Variants in ADGRV1 observed in about 807,000 individuals in gnomAD.
ADGRV1 encodes G-protein coupled receptor 98.
ADGRV1 carries 359 observed loss-of-function variants against 596.2 expected under a neutral mutation model. The observed-to-expected ratio is 0.60, with a 90% CI of 0.55 to 0.66. The LOEUF is 0.66. ADGRV1 is among the 30% of genes least tolerant of loss of function. ADGRV1 has a pLI of 0.00. For missense variants in ADGRV1, 7,274 were observed against 7,575.6 expected, an observed-to-expected ratio of 0.96 and a Z score of 1.48; for synonymous variants, 2,681 against 2,679.2, an observed-to-expected ratio of 1.00 and a Z score of -0.02.
rs1746898364 is a variant in ADGRV1 at position 90,694,388 on chromosome 5, A to G, written c.7632A>G (p.Glu2544=). The G allele has an allele frequency of 6.2e-7, 1 of 1,613,894 alleles. No homozygotes were observed. The highest frequency in any genetic ancestry group is 1.7e-5 in the Admixed American group (1 of 59,978). The change falls in exon 33 of 90, where the codon GAA becomes GAG. Residue 2544 remains glutamate, a synonymous_variant. Coordinates refer to ENST00000405460, the MANE Select transcript of ADGRV1 (RefSeq NM_032119.4). ...MDESFLISLL[E]VHLMNISASL... ...AGAGTTTTCTAATTTCTCTCCTTGA[A>G]GTTCACCTCATGAACATTTCAGCCA... is the stretch of plus-strand genomic sequence containing the variant.
rs747410637 is a variant in ADGRV1 at position 91,163,831 on chromosome 5, G to C, written c.18852G>C (p.Glu6284Asp). ...ATGAATCTGGTCAAGGCAGCCAGGAGGGGGGCACCTTGACTGACTCCCAGA... is the reference window on the plus strand; with the variant it reads ...ATGAATCTGGTCAAGGCAGCCAGGACGGGGGCACCTTGACTGACTCCCAGA... ...SDNESGQGSQ[E>D]GGTLTDSQIV... The change falls in exon 90 of 90, where the codon GAG becomes GAC. Residue 6284 changes from glutamate to aspartate, a missense_variant. Coordinates refer to ENST00000405460, the MANE Select transcript of ADGRV1 (RefSeq NM_032119.4). 3.7e-6 allele frequency: 6 copies of C among 1,605,480 alleles called. No homozygotes were observed. Among genetic ancestry groups the C allele is most frequent in the Non-Finnish European group, 5.1e-6 (6 of 1,174,192 alleles).
intron 83 of ADGRV1, among the ~76,000 whole-genome samples, chr5:90,916,530 A>G (rs909426673): frequency 1.1e-4 from 17 of 151,960 alleles, no homozygotes; most frequent in African/African-American, 4.1e-4. Context: ...TGTTTTATAT[A>G]GTTTCATCCA....
At position 90,731,051 on chromosome 5, in the gene ADGRV1, A is replaced by C. The variant is rs534634947; in HGVS notation, c.10549+1287A>C. 4.6e-5 allele frequency among the ~76,000 whole-genome samples: 7 copies of C among 152,308 alleles called. No individual in the cohort carries two copies. The East Asian group carries it at 1.2e-3, about 25-fold the overall frequency. Reference sequence around the variant, plus strand: ...AGAAAAAATATTAAGATACTAATTCAAGGTACAGGACTATATTAGTCCATT... The same window carrying C: ...AGAAAAAATATTAAGATACTAATTCCAGGTACAGGACTATATTAGTCCATT... On this transcript the variant is annotated intron_variant, in intron 50 of 89. Coordinates refer to ENST00000405460, the MANE Select transcript of ADGRV1 (RefSeq NM_032119.4).
intron 51 of ADGRV1, 31 bp downstream of exon 51, chr5:90,745,296 T>C (rs993070978): frequency 1.4e-5 from 19 of 1,346,458 alleles, no homozygotes; most frequent in Non-Finnish European, 1.9e-5. Context: ...TAAGTATCTT[T>C]ATGTTCACTG....
intron 85 of ADGRV1, among the ~76,000 whole-genome samples, chr5:91,006,228 GGGGAAT>G (rs1782264010): frequency 6.6e-6 from 1 of 152,120 alleles, no homozygotes; most frequent in Non-Finnish European, 1.5e-5. Flanking sequence ...GACGTCTGAA[GGGGAAT>G]ACAGGTACAG....
chr5:90,778,793 A>G, intron 63 of ADGRV1, 72 bp from the exon 64 acceptor site: 1 of 1,258,536 alleles, frequency 7.9e-7, no homozygotes, highest in Non-Finnish European at 1.1e-6. Flanking sequence ...GGTAAATAGA[A>G]CGTTTAGTTA....
rs1293337363 is a variant in ADGRV1, at chr5:91,017,119, A to G, written c.18152+31597A>G. Among the ~76,000 whole-genome samples the G allele has an allele frequency of 3.9e-5, 6 of 152,056 alleles. No individual in the cohort carries two copies. In the East Asian group the frequency reaches 7.8e-4, roughly 20 times the overall value. ...TACAAGCATGGCTTTCAAAATGGAT[A>G]TATGTGACTCATGAAGAGCCTTGTT... On this transcript the variant is annotated intron_variant, in intron 85 of 89. Coordinates refer to ENST00000405460, the MANE Select transcript of ADGRV1 (RefSeq NM_032119.4).
rs375985772 is a variant in ADGRV1 at position 91,045,805 on chromosome 5, G to A, written c.18153-26642G>A. Among the ~76,000 whole-genome samples, 13 of 152,212 alleles carry A rather than the reference G, an allele frequency of 8.5e-5. 1 individual carries two copies. Among genetic ancestry groups the A allele is most frequent in the Admixed American group, 7.2e-4 (11 of 15,278 alleles). On this transcript the variant is annotated intron_variant, in intron 85 of 89. Transcript: ENST00000405460. ...ACTCCTCCAGAAAGTTTCTAGAACC[G>A]ATAAAAGAATTCAGCAAAGTTTCTG...
At position 90,745,129 on chromosome 5, in the gene ADGRV1, G is replaced by C; in HGVS notation, c.10633G>C (p.Val3545Leu). The change falls in exon 51 of 90, where the codon GTA (valine) becomes CTA (leucine). Residue 3545 changes from valine to leucine, a missense_variant. Physicochemically the swap from Val to Leu is conservative, Grantham distance 32. This residue lies in a region of ADGRV1 where 3,643 missense variants were observed against 3,809.2 expected (regional missense o/e 0.96). Coordinates refer to ENST00000405460, the MANE Select transcript of ADGRV1 (RefSeq NM_032119.4). ...ERNQFSFVLE[V>L]PSAYDVASVT... ...TAATCAATTCTCTTTTGTTCTGGAAGTACCTTCTGCTTATGATGTGGCTTC... is the reference window on the plus strand; with the variant it reads ...TAATCAATTCTCTTTTGTTCTGGAACTACCTTCTGCTTATGATGTGGCTTC... 1 of 1,613,698 alleles carries C rather than the reference G, an allele frequency of 6.2e-7. No homozygotes were observed. The highest frequency in any genetic ancestry group is 8.5e-7 in the Non-Finnish European group (1 of 1,179,748).
At chr5:90,957,793 C>A (rs909589274) in intron 83 of ADGRV1, among the ~76,000 whole-genome samples, 6 of 151,054 alleles carry the variant, frequency 4.0e-5, no homozygotes, top group African/African-American at 1.5e-4. Flanking sequence ...GCCAGGAGAT[C>A]AGGAGAGAAA....
intron 29 of ADGRV1, among the ~76,000 whole-genome samples, chr5:90,688,480 C>T (rs920493066): frequency 2.6e-5 from 4 of 152,086 alleles, no homozygotes; most frequent in East Asian, 1.9e-4. Flanking sequence ...CTCAGCCTTC[C>T]GGGTAGCTGG....
chr5:90,793,499 G>A (rs149333603), intron 70 of ADGRV1, among the ~76,000 whole-genome samples: 22 of 152,244 alleles, frequency 1.4e-4, no homozygotes, highest in African/African-American at 4.3e-4. Context: ...ACTAAGCAAC[G>A]TGTATAGTAC....
chr5:90,728,638 A>T, intron 48 of ADGRV1, 31 bp from the exon 49 acceptor site: 1 of 1,576,268 alleles, frequency 6.3e-7, no homozygotes, highest in Non-Finnish European at 8.6e-7. Context: ...TCCTAGTCAT[A>T]AAGGGTTTTG....
Position 90,693,919 on chromosome 5 carries a change from T to C in ADGRV1, c.7163T>C (p.Phe2388Ser). The C allele has an allele frequency of 6.3e-7, 1 of 1,578,998 alleles. No homozygotes were observed. Among genetic ancestry groups the C allele is most frequent in the Non-Finnish European group, 8.6e-7 (1 of 1,160,062 alleles). The stretch of plus-strand genomic sequence containing the variant: ...GGGCACTTTGGTCGGCTGTTGTTGT[T>C]CTACAGTACTTCCGACATTGATGTA... Reference protein sequence around the residue: ...SGGHFGRLLLFYSTSDIDVVA... With the variant: ...SGGHFGRLLLSYSTSDIDVVA... Residue 2388 changes from phenylalanine to serine, a missense_variant, in exon 33 of 90, where the codon TTC (phenylalanine) becomes TCC (serine). Phe to Ser is a radical substitution (Grantham distance 155, BLOSUM62 -2). Transcript: ENST00000405460.
intron 39 of ADGRV1, 132 bp downstream of exon 39, chr5:90,709,041 ATATT>A: frequency 1.7e-6 from 1 of 588,960 alleles, no homozygotes; most frequent in Non-Finnish European, 3.0e-6. Context: ...ATGGGCTTTT[ATATT>A]TATTTTTGAT....
chr5:90,658,353 T>G, intron 21 of ADGRV1, 75 bp downstream of exon 21: 4 of 1,380,588 alleles, frequency 2.9e-6, no homozygotes, highest in Non-Finnish European at 3.9e-6. Context: ...CGGCTTTCTT[T>G]CATTTGGTAA....
At chr5:90,867,592 T>G (rs1191181659) in intron 83 of ADGRV1, among the ~76,000 whole-genome samples, 1 of 152,204 alleles carries the variant, frequency 6.6e-6, no homozygotes, top group Non-Finnish European at 1.5e-5. Flanking sequence ...TGGGAATCTT[T>G]GTGCATGACT....
intron 1 of ADGRV1, among the ~76,000 whole-genome samples, chr5:90,605,588 A>G (rs1762017645): frequency 6.6e-6 from 1 of 152,138 alleles, no homozygotes; most frequent in African/African-American, 2.4e-5. Context: ...TACCATGGCA[A>G]TTTGTGATAT....
At chr5:90,772,258 A>T (rs918016278) in intron 59 of ADGRV1, among the ~76,000 whole-genome samples, 3 of 152,230 alleles carry the variant, frequency 2.0e-5, no homozygotes, top group African/African-American at 4.8e-5. Context: ...ATTCAGGGAC[A>T]TACAGAAAGT....
Sources: allele counts gnomAD v4.1 joint callset (sites outside exome capture counted in the v4.1 genomes callset), GRCh38; gene constraint gnomAD v4.1.1; regional missense constraint gnomAD v4.1.1; transcripts MANE v1.5; gene names NCBI Gene and HGNC (gene_info 2026-07-23, HGNC 2026-07-21).